The following AMZ1 variants were observed in gnomAD, a reference collection of about 807,000 sequenced individuals.
AMZ1 encodes the protein archaemetzincin-1.
In AMZ1, 39 loss-of-function variants were observed where a neutral mutation model predicts 29.9. That is an observed-to-expected ratio of 1.30 (90% CI 1.01 to 1.70). The LOEUF is 1.70. AMZ1 is among the 40% of genes most tolerant of loss of function. AMZ1 has a pLI of 0.00. For missense variants in AMZ1, 1,041 were observed against 680.6 expected, an observed-to-expected ratio of 1.53 and a Z score of -5.89; for synonymous variants, 458 against 304.0, an observed-to-expected ratio of 1.51 and a Z score of -5.27.
chr7:2,749,443 T>C (rs1790919017), intron 4 of AMZ1, among the ~76,000 whole-genome samples: 1 of 143,248 alleles, frequency 7.0e-6, no homozygotes, highest in Non-Finnish European at 1.5e-5. Context: ...TTCTCACTCA[T>C]AGGTGGGAAC....
At chr7:2,728,927 C>T (rs11354) in intron 4 of AMZ1, 70,799 of 152,306 alleles carry the variant, frequency 0.46, 17,234 homozygotes, top group African/African-American at 0.6. Flanking sequence ...GTCAAGAGCC[C>T]GCGCCGGGGG....
At position 2,712,488 on chromosome 7, in the gene AMZ1, C is replaced by T. The variant is rs1371021490; in HGVS notation, c.1107C>T (p.Thr369=). 9.9e-6 allele frequency: 16 copies of T among 1,610,032 alleles called. No individual in the cohort carries two copies. Among genetic ancestry groups the T allele is most frequent in the Non-Finnish European group, 1.3e-5 (15 of 1,178,944 alleles). ...EPGTSVSEPL[T]PDAGSHTFAS... ...GCACCAGTGTGTCGGAGCCCCTCAC[C>T]CCTGATGCCGGGAGTCACACCTTCG... is the stretch of plus-strand genomic sequence containing the variant. Residue 369 remains threonine (T), a synonymous_variant, in exon 7 of 7, where the codon ACC becomes ACT. Coordinates refer to ENST00000683327, the MANE Select transcript of AMZ1 (RefSeq NM_001384743.1).
chr7:2,737,110 G>A (rs146477981), intron 4 of AMZ1, among the ~76,000 whole-genome samples: 33 of 152,206 alleles, frequency 2.2e-4, no homozygotes, highest in Middle Eastern at 3.4e-3. Flanking sequence ...AGAGGAAAAG[G>A]TAACCGTGGA....
At chr7:2,696,501 C>G (rs940088820) in intron 1 of AMZ1, among the ~76,000 whole-genome samples, 5 of 150,388 alleles carry the variant, frequency 3.3e-5, no homozygotes, top group Middle Eastern at 6.8e-3. Flanking sequence ...TCGTGATCTG[C>G]CCGCCTGGGC....
intron 4 of AMZ1, among the ~76,000 whole-genome samples, chr7:2,739,572 C>T (rs192659626): frequency 2.0e-5 from 3 of 152,198 alleles, no homozygotes; most frequent in Admixed American, 6.5e-5. Context: ...AGTTTTTGGC[C>T]GTTGTGAACA....
chr7:2,727,446 G>A lies in AMZ1; in HGVS notation n.550+17630G>A, dbSNP rs147654219. On this transcript the variant is annotated intron_variant and non_coding_transcript_variant, in intron 4 of 4. Transcript: ENST00000489665. ...GGGTGGAGTGCAGAGTGCGATCGCA[G>A]CTCGCTGTAGCCTCAAGCTCCTGGG... 1.9e-3 allele frequency among the ~76,000 whole-genome samples: 291 copies of A among 152,226 alleles called. 4 individuals are homozygous for A. The highest frequency in any genetic ancestry group is 6.5e-3 in the African/African-American group (272 of 41,546).
In AMZ1 at chr7:2,717,189, A is replaced by C. The variant is rs1401491515; in HGVS notation, c.*4311A>C. Among the ~76,000 whole-genome samples the C allele has an allele frequency of 6.6e-6, 1 of 152,114 alleles. No homozygotes were observed. Among genetic ancestry groups the C allele is most frequent in the Non-Finnish European group, 1.5e-5 (1 of 68,016 alleles). On this transcript the variant is annotated 3_prime_UTR_variant, in exon 7 of 7. Coordinates refer to ENST00000683327, the MANE Select transcript of AMZ1 (RefSeq NM_001384743.1). Reference sequence around the variant, plus strand: ...ACTCTTAGGTGAGGTGCCAACGAAAACACCCCCGTGATTGCTGGGGCTTCA... The same window carrying C: ...ACTCTTAGGTGAGGTGCCAACGAAACCACCCCCGTGATTGCTGGGGCTTCA...
intron 4 of AMZ1, among the ~76,000 whole-genome samples, chr7:2,744,401 G>T (rs1035739888): frequency 6.6e-5 from 10 of 152,212 alleles, no homozygotes; most frequent in Admixed American, 6.5e-4. Context: ...TGATACCCAA[G>T]CAAACAGGGT....
chr7:2,749,246 G>A (rs898159812), intron 4 of AMZ1, among the ~76,000 whole-genome samples: 4 of 152,120 alleles, frequency 2.6e-5, no homozygotes, highest in Non-Finnish European at 5.9e-5. Flanking sequence ...CAATAGCAAA[G>A]ACTTGGAACC....
chr7:2,686,925 G>A (rs1387230503), upstream of AMZ1, among the ~76,000 whole-genome samples: 1 of 151,990 alleles, frequency 6.6e-6, no homozygotes, highest in Non-Finnish European at 1.5e-5. Context: ...ATACTGGCCA[G>A]GCCGGTCTTG....
At chr7:2,747,834 T>C (rs1175416511) in intron 4 of AMZ1, among the ~76,000 whole-genome samples, 1 of 152,192 alleles carries the variant, frequency 6.6e-6, no homozygotes, top group African/African-American at 2.4e-5. Context: ...ATAAAATCAA[T>C]GTACAAAAAT....
intron 3 of AMZ1, among the ~76,000 whole-genome samples, chr7:2,707,439 C>T (rs60684070): frequency 0.026 from 3,947 of 152,136 alleles, 174 homozygotes; most frequent in African/African-American, 0.089. Flanking sequence ...TTCCTGGGCC[C>T]GTGGTGGCTG....
chr7:2,762,616 G>C, upstream of AMZ1: 1 of 1,549,844 alleles, frequency 6.5e-7, no homozygotes, highest in Non-Finnish European at 8.7e-7. Context: ...TCCCCTTCCG[G>C]ATAAGACCCC....
upstream of AMZ1, among the ~76,000 whole-genome samples, chr7:2,687,251 C>T (rs1405378843): frequency 1.3e-5 from 2 of 152,034 alleles, no homozygotes; most frequent in Non-Finnish European, 2.9e-5. Flanking sequence ...GACTTGAACC[C>T]CGGAGGTGGA....
rs1015411208 is a variant in AMZ1, at chr7:2,717,408, C to T, written c.*4530C>T. On this transcript the variant is annotated 3_prime_UTR_variant, in exon 7 of 7. Transcript: ENST00000683327. Reference sequence around the variant, plus strand: ...AGCTCCAGTAAGAGTGAGAGACTCACGGGGGCCTGGCTGCCGTCCTGGGAG... The same window carrying T: ...AGCTCCAGTAAGAGTGAGAGACTCATGGGGGCCTGGCTGCCGTCCTGGGAG... 6.6e-6 allele frequency among the ~76,000 whole-genome samples: 1 copy of T among 152,198 alleles called. No homozygotes were observed.
chr7:2,690,727 C>G (rs1053779615), intron 1 of AMZ1, among the ~76,000 whole-genome samples: 1 of 152,144 alleles, frequency 6.6e-6, no homozygotes, highest in South Asian at 2.1e-4. Flanking sequence ...TCGCTGTGGC[C>G]CTTCCTGTTG....
downstream of AMZ1, among the ~76,000 whole-genome samples, chr7:2,722,472 C>T (rs946222921): frequency 5.3e-5 from 8 of 152,100 alleles, no homozygotes; most frequent in African/African-American, 1.7e-4. Flanking sequence ...GGGGTTTCAC[C>T]GTGTTAGCCA....
chr7:2,706,556 C>T (rs2115140721), intron 3 of AMZ1, among the ~76,000 whole-genome samples: 1 of 152,338 alleles, frequency 6.6e-6, no homozygotes, highest in Non-Finnish European at 1.5e-5. Flanking sequence ...TTCCTGGCTG[C>T]CTCCAGCTTC....
At chr7:2,702,600 G>A in intron 2 of AMZ1, 122 bp from the exon 3 acceptor site, 1 of 1,153,116 alleles carries the variant, frequency 8.7e-7, no homozygotes, top group Non-Finnish European at 1.2e-6. Context: ...TCTGCTTGCT[G>A]TCAGGGTAGG....
Sources: allele counts gnomAD v4.1 joint callset (sites outside exome capture counted in the v4.1 genomes callset), GRCh38; gene constraint gnomAD v4.1.1; transcripts MANE v1.5; gene names NCBI Gene and HGNC (gene_info 2026-07-23, HGNC 2026-07-21).